MTFR1: variants seen among roughly 807,000 people sequenced by gnomAD.
MTFR1 encodes the protein chondrocyte protein with a poly-proline region.
MTFR1 carries 28 observed loss-of-function variants against 38.8 expected under a neutral mutation model. The observed-to-expected ratio is 0.72, with a 90% CI of 0.53 to 0.99. MTFR1 has a LOEUF of 0.99. Ranked by LOEUF, MTFR1 falls within the 50% of genes least tolerant of loss-of-function variation. The pLI, the probability that MTFR1 is intolerant of heterozygous loss-of-function variation, is 0.00. For missense variants in MTFR1, 358 were observed against 395.5 expected, an observed-to-expected ratio of 0.91 and a Z score of 0.81; for synonymous variants, 145 against 137.0, an observed-to-expected ratio of 1.06 and a Z score of -0.41.
At chr8:65,693,580 T>TA (rs916071028) in intron 3 of MTFR1, 64 bp from the exon 4 acceptor site, 30 of 1,401,174 alleles carry the variant, frequency 2.1e-5, no homozygotes, top group African/African-American at 5.7e-5. Flanking sequence ...TTTAGGTGAG[T>TA]AAAAAAAATT....
At chr8:65,740,326 A>G (rs11993375) in intron 3 of MTFR1, among the ~76,000 whole-genome samples, 8,457 of 152,166 alleles carry the variant, frequency 0.056, 705 homozygotes, top group African/African-American at 0.18. Context: ...TAAACTTTCA[A>G]CATACTTAGT....
intron 3 of MTFR1, among the ~76,000 whole-genome samples, chr8:65,747,100 T>G (rs1038371790): frequency 6.6e-6 from 1 of 152,184 alleles, no homozygotes; most frequent in African/African-American, 2.4e-5. Context: ...CTATGATACA[T>G]CTAAACCCTC....
At chr8:65,682,944 G>T (rs974225805) in intron 3 of MTFR1, 7 of 984,192 alleles carry the variant, frequency 7.1e-6, no homozygotes, top group Non-Finnish European at 8.4e-6. Context: ...AAGACAAAAA[G>T]GTAATTGTGG....
chr8:65,773,392 C>T (rs1219996034), downstream of MTFR1, among the ~76,000 whole-genome samples: 1 of 152,194 alleles, frequency 6.6e-6, no homozygotes, highest in African/African-American at 2.4e-5. Flanking sequence ...ACAACTTACA[C>T]ATTTGTCACC....
chr8:65,708,097 T>G (rs971054582), intron 7 of MTFR1, 86 bp downstream of exon 7: 1 of 1,603,326 alleles, frequency 6.2e-7, no homozygotes, highest in African/African-American at 1.3e-5. Context: ...GATTCACCTG[T>G]GTCATCTGTA....
At chr8:65,701,041 C>T (rs1477089199) in intron 4 of MTFR1, among the ~76,000 whole-genome samples, 2 of 152,154 alleles carry the variant, frequency 1.3e-5, no homozygotes, top group African/African-American at 2.4e-5. Context: ...CGTGACTATT[C>T]CTCTACTGCC....
At chr8:65,691,974 A>G (rs1453961008) in intron 3 of MTFR1, among the ~76,000 whole-genome samples, 1 of 152,234 alleles carries the variant, frequency 6.6e-6, no homozygotes, top group Non-Finnish European at 1.5e-5. Context: ...GTCACATGAT[A>G]TATTTTGTGT....
At chr8:65,710,870 C>CAA (rs1351947797), downstream of MTFR1, among the ~76,000 whole-genome samples, 3 of 152,122 alleles carry the variant, frequency 2.0e-5, no homozygotes, top group Non-Finnish European at 4.4e-5. Flanking sequence ...TCACCCAACA[C>CAA]AACACCTGAA....
intron 3 of MTFR1, among the ~76,000 whole-genome samples, chr8:65,688,851 T>C (rs539961891): frequency 9.2e-5 from 14 of 152,136 alleles, no homozygotes; most frequent in African/African-American, 3.4e-4. Context: ...CTATTAAGAA[T>C]ATGTATATGT....
At chr8:65,655,971 A>ATATATATATATG (rs1809256450) in intron 1 of MTFR1, among the ~76,000 whole-genome samples, 15 of 5,042 alleles carry the variant, frequency 3.0e-3, no homozygotes, top group African/African-American at 9.2e-3. Context: ...TATATATACC[A>ATATATATATATG]TATATATATA....
chr8:65,643,905 T>G (rs957850030), upstream of MTFR1, among the ~76,000 whole-genome samples: 24 of 152,106 alleles, frequency 1.6e-4, no homozygotes, highest in Non-Finnish European at 3.5e-4. Context: ...AAGAGACTTG[T>G]GCCACCCGGG....
intron 3 of MTFR1, chr8:65,765,813 G>C (rs1467341567): frequency 6.6e-6 from 1 of 152,128 alleles, no homozygotes; most frequent in African/African-American, 2.4e-5. Flanking sequence ...ATTCTAATGG[G>C]CATGCATAAT....
intron 5 of MTFR1, among the ~76,000 whole-genome samples, chr8:65,705,299 G>A (rs1303427006): frequency 6.6e-6 from 1 of 152,170 alleles, no homozygotes; most frequent in Admixed American, 6.5e-5. Flanking sequence ...ACTCCGGCCT[G>A]GCGACAGAGC....
At chr8:65,763,714 C>A (rs1808627072) in intron 3 of MTFR1, among the ~76,000 whole-genome samples, 2 of 152,144 alleles carry the variant, frequency 1.3e-5, no homozygotes, top group South Asian at 4.1e-4. Flanking sequence ...ATTCTTAATT[C>A]CCTTATTAAA....
At chr8:65,764,124 C>T (rs937670542) in intron 3 of MTFR1, among the ~76,000 whole-genome samples, 2 of 152,138 alleles carry the variant, frequency 1.3e-5, no homozygotes, top group Non-Finnish European at 2.9e-5. Flanking sequence ...TCTCTACAAG[C>T]ACCACTTTGT....
intron 2 of MTFR1, among the ~76,000 whole-genome samples, chr8:65,674,222 T>C (rs948152958): frequency 6.6e-6 from 1 of 151,910 alleles, no homozygotes; most frequent in East Asian, 1.9e-4. Context: ...CGTGAGCCAC[T>C]GCGTCCGTCC....
chr8:65,758,362 G>T (rs1808332703), intron 3 of MTFR1, among the ~76,000 whole-genome samples: 1 of 152,166 alleles, frequency 6.6e-6, no homozygotes, highest in African/African-American at 2.4e-5. Context: ...TAGGACTACT[G>T]TATCAGGTAA....
intron 2 of MTFR1, chr8:65,679,606 AAG>A (rs1395802752): frequency 6.6e-6 from 1 of 152,162 alleles, no homozygotes; most frequent in East Asian, 1.9e-4. Context: ...GCCTGGGCGA[AAG>A]AGTGAAACTC....
intron 3 of MTFR1, chr8:65,727,374 A>T: frequency 6.3e-7 from 1 of 1,578,484 alleles, no homozygotes; most frequent in Non-Finnish European, 8.6e-7. Context: ...AGTAGTTTTG[A>T]ATTAGCAGCC....
Sources: allele counts gnomAD v4.1 joint callset (sites outside exome capture counted in the v4.1 genomes callset), GRCh38; gene constraint gnomAD v4.1.1; transcripts MANE v1.5; gene names NCBI Gene and HGNC (gene_info 2026-07-23, HGNC 2026-07-21).